KCNH7: variants seen among roughly 807,000 people sequenced by gnomAD.
KCNH7 encodes the protein voltage-gated inwardly rectifying potassium channel KCNH7.
KCNH7 carries 49 observed loss-of-function variants against 120.8 expected under a neutral mutation model. The ratio of observed to expected loss-of-function variants is 0.41; its 90% CI spans 0.32 to 0.51. The LOEUF (loss-of-function observed/expected upper bound fraction) is 0.51, where lower values mean the gene tolerates loss of function less well. KCNH7 is among the 20% of genes least tolerant of loss of function. The pLI, the probability that KCNH7 is intolerant of heterozygous loss-of-function variation, is 0.38. For synonymous variants in KCNH7, 547 were observed against 516.1 expected (o/e 1.06, Z -0.81); for missense variants, 1,097 against 1,446.6 (o/e 0.76, Z 3.92).
At chr2:162,830,352 G>T (rs1685433904) in intron 2 of KCNH7, among the ~76,000 whole-genome samples, 2 of 152,150 alleles carry the variant, frequency 1.3e-5, no homozygotes, top group Admixed American at 6.5e-5. Flanking sequence ...ATTTGTGGGA[G>T]AAATGAAGGT....
chr2:162,770,315 T>C (rs942176683), intron 2 of KCNH7, among the ~76,000 whole-genome samples: 3 of 135,496 alleles, frequency 2.2e-5, no homozygotes, highest in Non-Finnish European at 3.1e-5. Flanking sequence ...ATAATATATA[T>C]ACATATTTAC....
At chr2:162,785,553 ATT>A (rs35254894) in intron 2 of KCNH7, among the ~76,000 whole-genome samples, 1 of 151,030 alleles carries the variant, frequency 6.6e-6, no homozygotes, top group Non-Finnish European at 1.5e-5. Flanking sequence ...TCTTCACTGT[ATT>A]TTTTTTTTGC....
rs369095525 is a variant in KCNH7, at chr2:162,717,211, C to G, written c.307+119326G>C. Among the ~76,000 whole-genome samples the G allele has an allele frequency of 2.0e-4, 30 of 152,134 alleles. No individual in the cohort carries two copies. In the South Asian group the frequency reaches 5.8e-3, roughly 29 times the overall value. On this transcript the variant is annotated intron_variant, in intron 2 of 15. Transcript: ENST00000332142. ...CTTCATGTCTCTACTCTTTCTTCACCTAATATGTCATCTTTTATGCAACAT... is the reference window on the plus strand; with the variant it reads ...CTTCATGTCTCTACTCTTTCTTCACGTAATATGTCATCTTTTATGCAACAT...
At chr2:162,748,289 A>G (rs2105424189) in intron 2 of KCNH7, among the ~76,000 whole-genome samples, 1 of 152,298 alleles carries the variant, frequency 6.6e-6, no homozygotes, top group South Asian at 2.1e-4. Flanking sequence ...TAGTTTTAAA[A>G]TTCCATATGC....
At chr2:162,815,706 CA>C (rs1684894439) in intron 2 of KCNH7, among the ~76,000 whole-genome samples, 1 of 152,148 alleles carries the variant, frequency 6.6e-6, no homozygotes, top group South Asian at 2.1e-4. Flanking sequence ...CTAGCAGCCA[CA>C]AATCAACTTT....
chr2:162,578,114 G>A (rs1693749429), intron 2 of KCNH7, among the ~76,000 whole-genome samples: 1 of 151,998 alleles, frequency 6.6e-6, no homozygotes, highest in Non-Finnish European at 1.5e-5. Flanking sequence ...ATGCATACAT[G>A]AGTCAAATGT....
intron 2 of KCNH7, among the ~76,000 whole-genome samples, chr2:162,753,292 G>A (rs1688671677): frequency 6.6e-6 from 1 of 152,072 alleles, no homozygotes; most frequent in Admixed American, 6.6e-5. Context: ...CTAGTTTGAT[G>A]TGGAAGATAC....
At chr2:162,702,617 A>G (rs1276319204) in intron 2 of KCNH7, among the ~76,000 whole-genome samples, 2 of 152,206 alleles carry the variant, frequency 1.3e-5, no homozygotes, top group African/African-American at 4.8e-5. Flanking sequence ...CATGTGTTCC[A>G]ATATTTTAAG....
rs573372685 is a variant in KCNH7 at position 162,475,533 on chromosome 2, A to G, written c.1128+28910T>C. Reference sequence around the variant, plus strand: ...ACACATCTTACAATGTTATGTTATTATAACACATACAGTACAGCCAAGTGA... The same window carrying G: ...ACACATCTTACAATGTTATGTTATTGTAACACATACAGTACAGCCAAGTGA... On this transcript the variant is annotated intron_variant, in intron 6 of 15. Transcript: ENST00000332142. Among the ~76,000 whole-genome samples the G allele has an allele frequency of 3.3e-5, 5 of 152,340 alleles. No homozygotes were observed. In the South Asian group the frequency reaches 6.2e-4, roughly 19 times the overall value.
At chr2:162,828,454 C>G (rs939913674) in intron 2 of KCNH7, among the ~76,000 whole-genome samples, 1 of 152,082 alleles carries the variant, frequency 6.6e-6, no homozygotes, top group Non-Finnish European at 1.5e-5. Context: ...GGGCAACAGA[C>G]ATTTTAACTT....
intron 2 of KCNH7, among the ~76,000 whole-genome samples, chr2:162,600,593 G>A (rs1048709304): frequency 1.7e-4 from 26 of 152,150 alleles, no homozygotes; most frequent in African/African-American, 4.6e-4. Flanking sequence ...CTAAAGAAGC[G>A]AGCCTTTCAA....
chr2:162,816,819 A>G (rs1157141043), intron 2 of KCNH7, among the ~76,000 whole-genome samples: 2 of 152,220 alleles, frequency 1.3e-5, no homozygotes, highest in Non-Finnish European at 2.9e-5. Context: ...TGTCTACTAT[A>G]TCAGGATATT....
chr2:162,433,815 T>C (rs1256562847), intron 8 of KCNH7, among the ~76,000 whole-genome samples: 2 of 151,990 alleles, frequency 1.3e-5, no homozygotes, highest in Non-Finnish European at 2.9e-5. Flanking sequence ...TGGAATGCAG[T>C]TTGAAGGTTT....
intron 5 of KCNH7, among the ~76,000 whole-genome samples, chr2:162,505,558 G>A (rs927543460): frequency 1.3e-5 from 2 of 151,896 alleles, no homozygotes; most frequent in African/African-American, 4.8e-5. Context: ...CTGACCAGCT[G>A]TATCTTCCTT....
At chr2:162,436,525 C>A (rs1381762375) in intron 7 of KCNH7, among the ~76,000 whole-genome samples, 1 of 152,092 alleles carries the variant, frequency 6.6e-6, no homozygotes, top group African/African-American at 2.4e-5. Context: ...GACTTCAAAT[C>A]TGATAAGTAC....
chr2:162,694,028 AG>A lies in KCNH7; in HGVS notation c.307+142508del, dbSNP rs1333234795. 3.9e-5 allele frequency among the ~76,000 whole-genome samples: 6 copies of A among 152,336 alleles called. No individual in the cohort carries two copies. In the East Asian group the frequency reaches 1.2e-3, roughly 29 times the overall value. The stretch of plus-strand genomic sequence containing the variant: ...TGAGATAGTGTTTTCAAAGTCCCTT[AG>A]AGAAAGGTATTATACCAGTATAAAT... On this transcript the variant is annotated intron_variant, in intron 2 of 15. Coordinates refer to ENST00000332142, the MANE Select transcript of KCNH7 (RefSeq NM_033272.4).
chr2:162,784,978 G>A (rs1487537926), intron 2 of KCNH7: 4 of 152,124 alleles, frequency 2.6e-5, no homozygotes, highest in African/African-American at 7.2e-5. Context: ...TTTAACTCCT[G>A]GTTAACCTCC....
At chr2:162,431,682 G>T (rs1035133971) in intron 8 of KCNH7, among the ~76,000 whole-genome samples, 2 of 151,834 alleles carry the variant, frequency 1.3e-5, no homozygotes, top group Non-Finnish European at 2.9e-5. Context: ...TGAAATGTGG[G>T]TGTATCTTAC....
At chr2:162,415,167 C>A (rs951243702) in intron 9 of KCNH7, among the ~76,000 whole-genome samples, 2 of 151,124 alleles carry the variant, frequency 1.3e-5, no homozygotes, top group Admixed American at 6.6e-5. Flanking sequence ...AAACAAAAAA[C>A]AAAAAAACAG....
Sources: gnomAD v4.1 joint callset for allele counts (sites outside exome capture counted in the v4.1 genomes callset) on GRCh38, gnomAD v4.1.1 for gene constraint, MANE v1.5 for transcripts, NCBI Gene and HGNC (gene_info 2026-07-23, HGNC 2026-07-21) for gene names.